Variants in DLGAP1 observed in about 807,000 individuals in gnomAD.
DLGAP1 encodes the protein DLG associated protein 1.
In DLGAP1, 11 loss-of-function variants were observed where a neutral mutation model predicts 90.8. The observed-to-expected ratio is 0.12, with a 90% CI of 0.08 to 0.20. The LOEUF (loss-of-function observed/expected upper bound fraction) is 0.20, where lower values mean the gene tolerates loss of function less well. DLGAP1 is among the 10% of genes least tolerant of loss of function. DLGAP1 has a pLI of 1.00. For synonymous variants in DLGAP1, 558 were observed against 540.7 expected (o/e 1.03, Z -0.44); for missense variants, 1,050 against 1,333.8 (o/e 0.79, Z 3.31).
chr18:3,659,296 G>GCA (rs2059600017), intron 7 of DLGAP1, among the ~76,000 whole-genome samples: 1 of 151,842 alleles, frequency 6.6e-6, no homozygotes, highest in Non-Finnish European at 1.5e-5. Flanking sequence ...GCTACACATA[G>GCA]CACTGCTGAC....
At chr18:3,681,468 CCTTAT>C (rs1315741249) in intron 7 of DLGAP1, among the ~76,000 whole-genome samples, 1 of 152,044 alleles carries the variant, frequency 6.6e-6, no homozygotes, top group East Asian at 1.9e-4. Context: ...TCTCTAGTTA[CCTTAT>C]ATGATTGAAA....
intron 3 of DLGAP1, among the ~76,000 whole-genome samples, chr18:3,889,760 G>A (rs983584165): frequency 6.6e-6 from 1 of 152,204 alleles, no homozygotes; most frequent in African/African-American, 2.4e-5. Context: ...AGGTGGGGAT[G>A]TTCCTAGAAT....
chr18:4,088,062 CTTGT>C (rs1568388914), intron 2 of DLGAP1, among the ~76,000 whole-genome samples: 2 of 148,624 alleles, frequency 1.3e-5, no homozygotes, highest in Admixed American at 6.7e-5. Context: ...CTATTGATCT[CTTGT>C]TTATGTTTCT....
rs553395229 is a variant in DLGAP1, at chr18:4,150,443, T to A, written c.-159+737A>T. On this transcript the variant is annotated intron_variant, in intron 2 of 12. Coordinates refer to ENST00000315677, the MANE Select transcript of DLGAP1 (RefSeq NM_004746.4). ...TCTCTCTCTGTCACCCTGGCTGGAGTGCAGTGGTGCAATCTCGGCTCACTG... is the reference window on the plus strand; with the variant it reads ...TCTCTCTCTGTCACCCTGGCTGGAGAGCAGTGGTGCAATCTCGGCTCACTG... Among the ~76,000 whole-genome samples the A allele has an allele frequency of 2.5e-3, 386 of 152,158 alleles. 1 individual carries two copies. The highest frequency in any genetic ancestry group is 6.6e-3 in the African/African-American group (273 of 41,516).
At chr18:4,360,113 G>T (rs1473714189) in intron 1 of DLGAP1, among the ~76,000 whole-genome samples, 1 of 152,162 alleles carries the variant, frequency 6.6e-6, no homozygotes, top group Non-Finnish European at 1.5e-5. Context: ...GGAATTTTCA[G>T]ATGGTGTTTA....
At chr18:4,014,251 A>G (rs895512929) in intron 2 of DLGAP1, among the ~76,000 whole-genome samples, 2 of 151,878 alleles carry the variant, frequency 1.3e-5, no homozygotes, top group Admixed American at 6.6e-5. Context: ...ACACCCAGCT[A>G]ATTTCTGTAT....
chr18:4,207,435 C>T (rs917653252), intron 1 of DLGAP1, among the ~76,000 whole-genome samples: 5 of 152,138 alleles, frequency 3.3e-5, no homozygotes, highest in African/African-American at 1.2e-4. Context: ...AACTACAATT[C>T]AAGATGCGAT....
At chr18:4,264,551 C>G (rs1230500940) in intron 1 of DLGAP1, 1 of 152,474 alleles carries the variant, frequency 6.6e-6, no homozygotes, top group Non-Finnish European at 1.5e-5. Flanking sequence ...GGTTCCCACT[C>G]TGCACTTCCT....
rs144345465 is a variant in DLGAP1, at chr18:4,310,027, G to C, written c.-267+144979C>G. ...AGGCTAGACTTGAGGACTAAATATT[G>C]TGTGATCTAGCCATATTTTTGTATC... is the stretch of plus-strand genomic sequence containing the variant. On this transcript the variant is annotated intron_variant, in intron 1 of 12. Transcript: ENST00000315677. 1.2e-3 allele frequency among the ~76,000 whole-genome samples: 183 copies of C among 152,244 alleles called. 4 individuals are homozygous for C. The highest frequency in any genetic ancestry group is 9.3e-3 in the Admixed American group (142 of 15,304).
chr18:3,958,392 G>C (rs906728665), intron 3 of DLGAP1, among the ~76,000 whole-genome samples: 1 of 150,424 alleles, frequency 6.6e-6, no homozygotes, highest in African/African-American at 2.4e-5. Flanking sequence ...GCAGGACTTT[G>C]GGGACAGTCT....
chr18:3,854,552 G>A (rs565021577), intron 4 of DLGAP1, among the ~76,000 whole-genome samples: 32 of 152,226 alleles, frequency 2.1e-4, no homozygotes, highest in Non-Finnish European at 4.1e-4. Flanking sequence ...ACGAATAACT[G>A]TAAGATGACT....
In DLGAP1 at chr18:4,397,405, T is replaced by C. The variant is rs118070616; in HGVS notation, c.-267+57601A>G. 6.6e-5 allele frequency among the ~76,000 whole-genome samples: 10 copies of C among 152,332 alleles called. No homozygotes were observed. In the South Asian group the frequency reaches 1.2e-3, roughly 19 times the overall value. ...AGTCTAGGTAATAACATCTTAAACA[T>C]CTGATTTATTACTTCTATGTACTTT... On this transcript the variant is annotated intron_variant, in intron 1 of 12. Coordinates refer to ENST00000315677, the MANE Select transcript of DLGAP1 (RefSeq NM_004746.4).
intron 10 of DLGAP1, among the ~76,000 whole-genome samples, chr18:3,533,279 G>A (rs1030016809): frequency 2.0e-5 from 3 of 152,136 alleles, no homozygotes; most frequent in Non-Finnish European, 2.9e-5. Flanking sequence ...AATAGTGTGC[G>A]AAAAAGAGTG....
intron 2 of DLGAP1, among the ~76,000 whole-genome samples, chr18:4,098,381 G>C (rs2075719332): frequency 6.6e-6 from 1 of 152,114 alleles, no homozygotes; most frequent in South Asian, 2.1e-4. Context: ...ATAAGTCACT[G>C]AGTGATATAA....
At chr18:4,171,833 A>G (rs1386790528) in intron 1 of DLGAP1, among the ~76,000 whole-genome samples, 1 of 152,174 alleles carries the variant, frequency 6.6e-6, no homozygotes, top group Non-Finnish European at 1.5e-5. Context: ...CCCCAGTATT[A>G]AGCCAACTTA....
At chr18:4,356,657 C>A (rs974787301) in intron 1 of DLGAP1, among the ~76,000 whole-genome samples, 1 of 152,150 alleles carries the variant, frequency 6.6e-6, no homozygotes, top group Non-Finnish European at 1.5e-5. Flanking sequence ...TATCTCTTGA[C>A]TGGATTCTTG....
chr18:3,702,911 A>C (rs1239798617), intron 7 of DLGAP1, among the ~76,000 whole-genome samples: 3 of 152,210 alleles, frequency 2.0e-5, no homozygotes, highest in Non-Finnish European at 2.9e-5. Flanking sequence ...CAGGGATCCA[A>C]GTCCCAGAAA....
intron 1 of DLGAP1, among the ~76,000 whole-genome samples, chr18:4,267,754 C>T (rs1458880475): frequency 6.6e-6 from 1 of 152,134 alleles, no homozygotes. Flanking sequence ...CATCTGACAA[C>T]TAGGCTGTGG....
chr18:4,082,924 G>A (rs575098941), intron 2 of DLGAP1, among the ~76,000 whole-genome samples: 18 of 152,162 alleles, frequency 1.2e-4, no homozygotes, highest in Admixed American at 1.0e-3. Context: ...CTCTGCTGTA[G>A]CTACCCTGAA....
Sources: allele counts gnomAD v4.1 joint callset (sites outside exome capture counted in the v4.1 genomes callset), GRCh38; gene constraint gnomAD v4.1.1; transcripts MANE v1.5; gene names NCBI Gene and HGNC (gene_info 2026-07-23, HGNC 2026-07-21).